The following RTKN2 variants were observed in gnomAD, a reference collection of about 807,000 sequenced individuals.
RTKN2 encodes the protein rhotekin 2, also known as rhotekin-2.
In RTKN2, 69 loss-of-function variants were observed where a neutral mutation model predicts 71.5. The ratio of observed to expected loss-of-function variants is 0.96; its 90% CI spans 0.79 to 1.18. RTKN2 has a LOEUF of 1.18. Ranked by LOEUF, RTKN2 falls within the 50% of genes most tolerant of loss-of-function variation. The probability of loss-of-function intolerance (pLI) is 0.00; values close to 1 mark genes in which losing one functional copy is unlikely to be tolerated. For synonymous variants in RTKN2, 236 were observed against 236.5 expected (o/e 1.00, Z 0.02); for missense variants, 724 against 719.7 (o/e 1.01, Z -0.07).
Position 62,194,184 on chromosome 10 carries a change from A to G in RTKN2, c.*3724T>C. The G allele has an allele frequency of 1.0e-6, 1 of 983,076 alleles. No individual in the cohort carries two copies. Among genetic ancestry groups the G allele is most frequent in the Non-Finnish European group, 1.2e-6 (1 of 827,778 alleles). 60.9% of individuals were successfully genotyped at this position (983,076 alleles called of 1,614,324 possible). ...AATTACACAAGCATGTCAGAAAATC[A>G]ACACACCCTAATATATTTTCAAATG... On this transcript the variant is annotated 3_prime_UTR_variant, in exon 12 of 12. Transcript: ENST00000373789.
chr10:62,230,225 G>A (rs943851337), intron 6 of RTKN2, among the ~76,000 whole-genome samples: 6 of 152,008 alleles, frequency 3.9e-5, no homozygotes, highest in African/African-American at 1.4e-4. Context: ...AGGTTGGTGT[G>A]CAATGGCTCA....
intron 2 of RTKN2, among the ~76,000 whole-genome samples, chr10:62,255,763 A>G (rs1426387970): frequency 1.3e-5 from 2 of 152,252 alleles, no homozygotes; most frequent in Non-Finnish European, 2.9e-5. Context: ...GGCAACTGCC[A>G]TCTAAAGCAA....
intron 3 of RTKN2, among the ~76,000 whole-genome samples, chr10:62,243,902 T>A (rs1842429443): frequency 6.6e-6 from 1 of 152,178 alleles, no homozygotes; most frequent in Non-Finnish European, 1.5e-5. Flanking sequence ...GTGAACTGAT[T>A]TGGTTTATTC....
At chr10:62,242,622 CTTTTT>C (rs11311959) in intron 3 of RTKN2, among the ~76,000 whole-genome samples, 1 of 149,244 alleles carries the variant, frequency 6.7e-6, no homozygotes, top group African/African-American at 2.5e-5. Flanking sequence ...AATCTATTAC[CTTTTT>C]TTTTTTGAGA....
chr10:62,231,244 G>A (rs1444437027), intron 6 of RTKN2, among the ~76,000 whole-genome samples: 2 of 152,096 alleles, frequency 1.3e-5, no homozygotes, highest in Admixed American at 6.5e-5. Flanking sequence ...TTAAAATGAT[G>A]TATATTTAAA....
chr10:62,266,685 C>T (rs1479065716), intron 1 of RTKN2, among the ~76,000 whole-genome samples: 1 of 152,164 alleles, frequency 6.6e-6, no homozygotes, highest in Non-Finnish European at 1.5e-5. Flanking sequence ...CTGCCCTAAC[C>T]ACTCAGATGA....
Position 62,205,007 on chromosome 10 carries a change from C to A in RTKN2, c.1036G>T (p.Ala346Ser). 1 of 1,583,256 alleles carries A rather than the reference C, an allele frequency of 6.3e-7. No individual in the cohort carries two copies. The highest frequency in any genetic ancestry group is 8.5e-7 in the Non-Finnish European group (1 of 1,171,450). Residue 346 changes from alanine to serine, a missense_variant, in exon 10 of 12, where the codon GCA becomes TCA. Ala to Ser is a moderately conservative substitution (Grantham distance 99). Coordinates refer to ENST00000373789, the MANE Select transcript of RTKN2 (RefSeq NM_145307.4). Reference sequence around the variant, plus strand: ...CTTTTCTTGGCATCCTTATCCATTGCCCGGATTCTGGTTTCCTAAAAATTA... The same window carrying A: ...CTTTTCTTGGCATCCTTATCCATTGACCGGATTCTGGTTTCCTAAAAATTA... ...VPINKETRIR[A>S]MDKDAKKRIH...
Position 62,195,495 on chromosome 10 carries a change from A to C in RTKN2, c.*2413T>G. ...GAAGGGAGGAAGGAGAGACAGAAGG[A>C]AAGTGGGAAAAGGGGATGAGACAGA... On this transcript the variant is annotated 3_prime_UTR_variant, in exon 12 of 12. Coordinates refer to ENST00000373789, the MANE Select transcript of RTKN2 (RefSeq NM_145307.4). 2.2e-6 allele frequency: 2 copies of C among 892,558 alleles called. No homozygotes were observed. The highest frequency in any genetic ancestry group is 2.7e-6 in the Non-Finnish European group (2 of 745,444). 55.3% of individuals were successfully genotyped at this position (892,558 alleles called of 1,614,324 possible). A position where few individuals can be genotyped will look rare whatever the true frequency, so the allele number is the denominator to read the frequency against.
At chr10:62,240,850 A>G (rs1842358672) in intron 4 of RTKN2, among the ~76,000 whole-genome samples, 1 of 152,060 alleles carries the variant, frequency 6.6e-6, no homozygotes, top group Non-Finnish European at 1.5e-5. Flanking sequence ...TTCGCTAAAC[A>G]TTTTCTTTTG....
At chr10:62,250,362 G>T (rs572854523) in intron 2 of RTKN2, among the ~76,000 whole-genome samples, 1 of 152,170 alleles carries the variant, frequency 6.6e-6, no homozygotes, top group Non-Finnish European at 1.5e-5. Flanking sequence ...GAAAGTAGAC[G>T]AAGTTTAATA....
At chr10:62,188,525 C>G (rs1348408164), downstream of RTKN2, among the ~76,000 whole-genome samples, 1 of 152,074 alleles carries the variant, frequency 6.6e-6, no homozygotes, top group Non-Finnish European at 1.5e-5. Flanking sequence ...TCAGAGAGTT[C>G]GTGAACGTAT....
downstream of RTKN2, among the ~76,000 whole-genome samples, chr10:62,190,177 G>A (rs1841198116): frequency 6.6e-6 from 1 of 152,136 alleles, no homozygotes; most frequent in Non-Finnish European, 1.5e-5. Context: ...TTAATGCAAA[G>A]GAATACATCA....
intron 3 of RTKN2, among the ~76,000 whole-genome samples, chr10:62,242,802 T>C (rs1263190261): frequency 6.6e-6 from 1 of 151,782 alleles, no homozygotes; most frequent in African/African-American, 2.4e-5. Context: ...GCTAATTTTT[T>C]GATTTTCAGT....
At chr10:62,231,886 G>A (rs1842156262) in intron 6 of RTKN2, among the ~76,000 whole-genome samples, 1 of 152,102 alleles carries the variant, frequency 6.6e-6, no homozygotes, top group Non-Finnish European at 1.5e-5. Flanking sequence ...ATCCCCTTAT[G>A]CATCCTGATT....
At position 62,198,106 on chromosome 10, in the gene RTKN2, T is replaced by C. The variant is rs773412762; in HGVS notation, c.1632A>G (p.Lys544=). ...GTAAGTGATGCATTAGAGTTGATAGTTTGGTATCCAAAGACGATGTCTGAG... is the reference window on the plus strand; with the variant it reads ...GTAAGTGATGCATTAGAGTTGATAGCTTGGTATCCAAAGACGATGTCTGAG... The part of the protein sequence containing the change: ...SVSQTSSLDT[K]LSTLMHHLQK... Residue 544 remains lysine, a synonymous_variant, in exon 12 of 12, where the codon AAA becomes AAG. Transcript: ENST00000373789. The C allele has an allele frequency of 1.2e-6, 2 of 1,614,156 alleles. No homozygotes were observed. Among genetic ancestry groups the C allele is most frequent in the Non-Finnish European group, 1.7e-6 (2 of 1,179,994 alleles).
chr10:62,224,870 G>A (rs1469133940), intron 6 of RTKN2, among the ~76,000 whole-genome samples: 1 of 152,134 alleles, frequency 6.6e-6, no homozygotes. Context: ...CAAGCATGGT[G>A]CAACGCAAGG....
Position 62,231,272 on chromosome 10 carries a change from G to C in RTKN2, c.686+4794C>G, listed in dbSNP as rs540469483. The stretch of plus-strand genomic sequence containing the variant: ...TATTTAAAGAATAATGTACTAAATA[G>C]TTATCAAGGAACATAAAATAGTTAA... On this transcript the variant is annotated intron_variant, in intron 6 of 11. Coordinates refer to ENST00000373789, the MANE Select transcript of RTKN2 (RefSeq NM_145307.4). 2.6e-5 allele frequency among the ~76,000 whole-genome samples: 4 copies of C among 152,220 alleles called. No homozygotes were observed. In the South Asian group the frequency reaches 8.3e-4, roughly 32 times the overall value.
At chr10:62,198,469 C>T (rs1163507880) in intron 11 of RTKN2, 26 bp from the exon 12 acceptor site, 1 of 1,369,688 alleles carries the variant, frequency 7.3e-7, no homozygotes, top group African/African-American at 1.5e-5. Flanking sequence ...GAAAAAAAAA[C>T]ATGAAAAAAT....
intron 7 of RTKN2, among the ~76,000 whole-genome samples, chr10:62,219,016 T>G (rs1841843901): frequency 2.3e-5 from 1 of 44,412 alleles, no homozygotes; most frequent in Non-Finnish European, 5.4e-5. Context: ...ACAAAAAACA[T>G]TATTTCAGAG....
Sources: gnomAD v4.1 joint callset for allele counts (sites outside exome capture counted in the v4.1 genomes callset) on GRCh38, gnomAD v4.1.1 for gene constraint, MANE v1.5 for transcripts, NCBI Gene and HGNC (gene_info 2026-07-23, HGNC 2026-07-21) for gene names.